The following ADAM15 variants were observed in gnomAD, a reference collection of about 807,000 sequenced individuals.
The protein encoded by ADAM15 is disintegrin and metalloproteinase domain-containing protein 15.
ADAM15 carries 77 observed loss-of-function variants against 113.8 expected under a neutral mutation model. That is an observed-to-expected ratio of 0.68 (90% CI 0.56 to 0.82). ADAM15 has a LOEUF of 0.82. Ranked by LOEUF, ADAM15 falls within the 40% of genes least tolerant of loss-of-function variation. The pLI, the probability that ADAM15 is intolerant of heterozygous loss-of-function variation, is 0.00. For missense variants in ADAM15, 963 were observed against 1,120.1 expected (o/e 0.86, Z 2.00); for synonymous variants, 388 against 454.1 (o/e 0.85, Z 1.85).
chr1:155,052,597 C>G, intron 1 of ADAM15, 74 bp from the exon 2 acceptor site: 1 of 1,552,970 alleles, frequency 6.4e-7, no homozygotes, highest in Non-Finnish European at 8.7e-7. Flanking sequence ...GCTGGTGGAT[C>G]TGAGGGCACC....
At chr1:155,061,394 C>G (rs373276193) in intron 19 of ADAM15, 21 bp from the exon 20 acceptor site, 40 of 1,608,570 alleles carry the variant, frequency 2.5e-5, no homozygotes, top group Non-Finnish European at 3.4e-5. Flanking sequence ...CTGTGCCTAT[C>G]TGCCCCTCCT....
rs1384357396 is a variant in ADAM15, at chr1:155,062,208, C to T, written c.2425-37C>T. 1.4e-6 allele frequency: 2 copies of T among 1,446,666 alleles called. No individual in the cohort carries two copies. Among genetic ancestry groups the T allele is most frequent in the South Asian group, 2.9e-5 (2 of 68,208 alleles). 89.6% of individuals were successfully genotyped at this position (1,446,666 alleles called of 1,614,324 possible). On this transcript the variant is annotated intron_variant, in intron 21 of 22. Coordinates refer to ENST00000356955, the MANE Select transcript of ADAM15 (RefSeq NM_207197.3). The surrounding 1 kb of genome is among the most constrained non-coding windows in gnomAD (Gnocchi z 7.0). Reference sequence around the variant, plus strand: ...GTTGGGGGTGGGCAACATGACACCCCCCCACCTAAGCCGGCCTCCTGCCTT... The same window carrying T: ...GTTGGGGGTGGGCAACATGACACCCTCCCACCTAAGCCGGCCTCCTGCCTT...
chr1:155,061,320 G>A (rs1444991767), intron 19 of ADAM15, 95 bp from the exon 20 acceptor site: 3 of 855,198 alleles, frequency 3.5e-6, no homozygotes, highest in African/African-American at 3.3e-5. Flanking sequence ...CTGGGCCCCT[G>A]CTGGCCCCCC....
In ADAM15 at chr1:155,058,704, G is replaced by T. The variant is rs192799127; in HGVS notation, c.1918-6G>T. ...TCTGATCCAGGCTCTTCTCTCCCTGGGTCAGGTGTGTATAGACCATCGATG... is the reference window on the plus strand; with the variant it reads ...TCTGATCCAGGCTCTTCTCTCCCTGTGTCAGGTGTGTATAGACCATCGATG... On this transcript the variant is annotated splice_region_variant and splice_polypyrimidine_tract_variant and intron_variant, in intron 15 of 22. Transcript: ENST00000356955. The surrounding 1 kb of genome is among the most constrained non-coding windows in gnomAD (Gnocchi z 4.3). The T allele has an allele frequency of 4.3e-3, 6,938 of 1,613,052 alleles. 14 individuals carry two copies. The highest frequency in any genetic ancestry group is 5.1e-3 in the Non-Finnish European group (6,062 of 1,179,494).
intron 4 of ADAM15, 52 bp downstream of exon 4, chr1:155,054,040 G>A: frequency 6.2e-7 from 1 of 1,612,846 alleles, no homozygotes; most frequent in Non-Finnish European, 8.5e-7. Context: ...GAGGGAGGGG[G>A]TGGCTGGAAG....
chr1:155,060,921 T>G (rs1349308714), intron 19 of ADAM15, 89 bp downstream of exon 19: 9 of 1,285,504 alleles, frequency 7.0e-6, no homozygotes, highest in African/African-American at 1.5e-5. Flanking sequence ...GGCTCCAGAC[T>G]CAGAGAAAGG....
At position 155,053,470 on chromosome 1, in the gene ADAM15, T is replaced by C; in HGVS notation, c.240T>C (p.His80=). The change falls in exon 3 of 23, where the codon CAT becomes CAC. Residue 80 remains histidine, a synonymous_variant. Coordinates refer to ENST00000356955, the MANE Select transcript of ADAM15 (RefSeq NM_207197.3). ...AGTTGGAGCTGGACGGTGACAGTCA[T>C]ATCCTGGAGCTGCTACAGAATAGGT... ...RIKLELDGDS[H]ILELLQNREL... The C allele has an allele frequency of 1.2e-6, 2 of 1,614,152 alleles. No individual in the cohort carries two copies.
intron 1 of ADAM15, chr1:155,052,132 G>A (rs1308717870): frequency 9.3e-6 from 2 of 215,450 alleles, no homozygotes; most frequent in East Asian, 2.6e-4. Flanking sequence ...TGTGTGTTGG[G>A]GGGGTGGGGG....
At chr1:155,060,714 C>T in intron 18 of ADAM15, 49 bp from the exon 19 acceptor site, 1 of 1,577,578 alleles carries the variant, frequency 6.3e-7, no homozygotes, top group Non-Finnish European at 8.7e-7. Flanking sequence ...TGGTAGAAAA[C>T]AGGGTCTGAG....
rs1048491274 is a variant in ADAM15 at position 155,062,593 on chromosome 1, C to T, written c.*91C>T. The T allele has an allele frequency of 2.0e-6, 3 of 1,521,798 alleles. No homozygotes were observed. The highest frequency in any genetic ancestry group is 2.7e-6 in the Non-Finnish European group (3 of 1,118,786). 94.3% of individuals were successfully genotyped at this position (1,521,798 alleles called of 1,614,324 possible). ...GAGTCCCCTACCATGACTGAAGGCG[C>T]CAGAGACTGGCGGTGTCTTAAGACT... On this transcript the variant is annotated 3_prime_UTR_variant, in exon 23 of 23. Coordinates refer to ENST00000356955, the MANE Select transcript of ADAM15 (RefSeq NM_207197.3). The surrounding 1 kb of genome is among the most constrained non-coding windows in gnomAD (Gnocchi z 7.0).
Position 155,060,556 on chromosome 1 carries a change from G to A in ADAM15, c.2208-207G>A, listed in dbSNP as rs573980490. Among the ~76,000 whole-genome samples the A allele has an allele frequency of 2.7e-3, 411 of 152,242 alleles. 2 individuals are homozygous for A. Among genetic ancestry groups the A allele is most frequent in the Non-Finnish European group, 4.4e-3 (300 of 68,008 alleles). On this transcript the variant is annotated intron_variant, in intron 18 of 22. Transcript: ENST00000356955. ...CCTGTGGGGTGGCTGGATTGCTAGGGCCATTTCTCCCCAGGAGCCCCTGTG... is the reference window on the plus strand; with the variant it reads ...CCTGTGGGGTGGCTGGATTGCTAGGACCATTTCTCCCCAGGAGCCCCTGTG...
chr1:155,061,274 T>G, intron 19 of ADAM15, 141 bp from the exon 20 acceptor site: 2 of 620,264 alleles, frequency 3.2e-6, no homozygotes, highest in Non-Finnish European at 5.7e-6. Context: ...CCCACCTGCA[T>G]GCACCTGCAT....
At chr1:155,054,254 G>A in intron 5 of ADAM15, 28 bp downstream of exon 5, 2 of 1,586,432 alleles carry the variant, frequency 1.3e-6, no homozygotes, top group South Asian at 2.3e-5. Context: ...AATGACAGTA[G>A]AGAAAGTAAG....
At chr1:155,059,604 G>A (rs1004874881) in intron 16 of ADAM15, among the ~76,000 whole-genome samples, 4 of 152,110 alleles carry the variant, frequency 2.6e-5, no homozygotes, top group African/African-American at 9.7e-5. Context: ...ACTCCAGCCT[G>A]GGCAACAGAG....
Position 155,058,249 on chromosome 1 carries a change from T to A in ADAM15, c.1725T>A (p.Asp575Glu), listed in dbSNP as rs1463766159. The change falls in exon 15 of 23, where the codon GAT becomes GAA. Residue 575 changes from aspartate to glutamate, a missense_variant. Physicochemically the swap from Asp to Glu is conservative, Grantham distance 45. Transcript: ENST00000356955. The surrounding 1 kb of genome is among the most constrained non-coding windows in gnomAD (Gnocchi z 4.3). ...GTGCCCTTCCCCCTCCCCACAGAGA[T>A]GCCATTTGTGGGCAGCTCCAGTGCC... ...SGSYVSCTPR[D>E]AICGQLQCQT... 1 of 1,614,066 alleles carries A rather than the reference T, an allele frequency of 6.2e-7. No individual in the cohort carries two copies. The highest frequency in any genetic ancestry group is 8.5e-7 in the Non-Finnish European group (1 of 1,180,022).
At chr1:155,054,115 T>C in intron 4 of ADAM15, 35 bp from the exon 5 acceptor site, 1 of 1,613,832 alleles carries the variant, frequency 6.2e-7, no homozygotes, top group Non-Finnish European at 8.5e-7. Flanking sequence ...TGGTGTGCTC[T>C]CTGAGACAGC....
At chr1:155,054,975 A>G (rs1439962059) in intron 6 of ADAM15, among the ~76,000 whole-genome samples, 1 of 152,198 alleles carries the variant, frequency 6.6e-6, no homozygotes, top group Non-Finnish European at 1.5e-5. Context: ...TATTAGTTGT[A>G]TTTGGCTCTT....
At position 155,055,825 on chromosome 1, in the gene ADAM15, G is replaced by C. The variant is rs1479218379; in HGVS notation, c.648G>C (p.Glu216Asp). 6.2e-7 allele frequency: 1 copy of C among 1,614,098 alleles called. No individual in the cohort carries two copies. The highest frequency in any genetic ancestry group is 8.5e-7 in the Non-Finnish European group (1 of 1,180,048). Residue 216 changes from glutamate (E) to aspartate (D), a missense_variant, in exon 7 of 23, where the codon GAG (glutamate) becomes GAC (aspartate). Physicochemically the swap from Glu to Asp is conservative, Grantham distance 45 (BLOSUM62 2). Coordinates refer to ENST00000356955, the MANE Select transcript of ADAM15 (RefSeq NM_207197.3). ...TGGTAACAGAGACCAAGACTGTGGA[G>C]TTGGTGATTGTGGCTGATCACTCGG... ...RDVVTETKTV[E>D]LVIVADHSEA...
chr1:155,061,030 G>A lies in ADAM15; in HGVS notation c.2277+198G>A. 4 of 609,994 alleles carry A rather than the reference G, an allele frequency of 6.6e-6. No individual in the cohort carries two copies. In the South Asian group the frequency reaches 8.3e-5, roughly 13 times the overall value. The allele number at this position is 609,994 out of a possible 1,614,324, so 37.8% of individuals were successfully genotyped here. ...AAGCTGAGTCCAGAAGAGTGGGGAGGGCAGCCAGCTGGAGCAGGAGCTGCT... is the reference window on the plus strand; with the variant it reads ...AAGCTGAGTCCAGAAGAGTGGGGAGAGCAGCCAGCTGGAGCAGGAGCTGCT... On this transcript the variant is annotated intron_variant, in intron 19 of 22. Transcript: ENST00000356955.
Sources: gnomAD v4.1 joint callset for allele counts (sites outside exome capture counted in the v4.1 genomes callset) on GRCh38, gnomAD v4.1.1 for gene constraint, Gnocchi (gnomAD v3.1) non-coding constraint, MANE v1.5 for transcripts, NCBI Gene and HGNC (gene_info 2026-07-23, HGNC 2026-07-21) for gene names.